Variants in HTR1E observed in about 807,000 individuals in gnomAD.
HTR1E encodes 5-HT-1E.
In HTR1E, 3 loss-of-function variants were observed where a neutral mutation model predicts 3.4. The observed-to-expected ratio is 0.89, with a 90% CI of 0.41 to 2.31. HTR1E has a LOEUF of 2.31. HTR1E is among the 30% of genes most tolerant of loss of function. The pLI, the probability that HTR1E is intolerant of heterozygous loss-of-function variation, is 0.05. For missense variants in HTR1E, 392 were observed against 467.0 expected, an observed-to-expected ratio of 0.84 and a Z score of 1.48; for synonymous variants, 170 against 182.8, an observed-to-expected ratio of 0.93 and a Z score of 0.56.
At chr6:86,981,867 T>C (rs1767716556) in intron 1 of HTR1E, among the ~76,000 whole-genome samples, 1 of 152,120 alleles carries the variant, frequency 6.6e-6, no homozygotes, top group African/African-American at 2.4e-5. Flanking sequence ...GCCTCTATCC[T>C]TGTTACCCTA....
At chr6:87,003,771 C>G (rs1037965458) in intron 1 of HTR1E, among the ~76,000 whole-genome samples, 6 of 151,776 alleles carry the variant, frequency 4.0e-5, no homozygotes, top group African/African-American at 1.2e-4. Context: ...TAATAAAGAT[C>G]AGAGCAGAAA....
Position 86,969,319 on chromosome 6 carries a change from G to T in HTR1E, c.-186+31496G>T, listed in dbSNP as rs771825194. Among the ~76,000 whole-genome samples the T allele has an allele frequency of 2.5e-4, 38 of 152,156 alleles. 1 individual carries two copies. In the Middle Eastern group the frequency reaches 0.014, roughly 54 times the overall value. On this transcript the variant is annotated intron_variant, in intron 1 of 1. Transcript: ENST00000305344. Reference sequence around the variant, plus strand: ...GATTAAAATGTCAGAGAAAAAGTAGGGACAACTCCAAAACAAATACTTTCA... The same window carrying T: ...GATTAAAATGTCAGAGAAAAAGTAGTGACAACTCCAAAACAAATACTTTCA...
At chr6:86,994,373 A>G (rs1274810329) in intron 1 of HTR1E, among the ~76,000 whole-genome samples, 2 of 152,182 alleles carry the variant, frequency 1.3e-5, no homozygotes, top group Non-Finnish European at 2.9e-5. Flanking sequence ...AAAATCTTGC[A>G]GCTGTGAAAG....
chr6:86,974,975 G>T (rs1444941265), intron 1 of HTR1E, among the ~76,000 whole-genome samples: 2 of 152,046 alleles, frequency 1.3e-5, no homozygotes, highest in African/African-American at 4.8e-5. Context: ...CCCCAACCTG[G>T]ACTCATCCAT....
At chr6:86,969,086 T>G (rs1258239549) in intron 1 of HTR1E, among the ~76,000 whole-genome samples, 1 of 152,194 alleles carries the variant, frequency 6.6e-6, no homozygotes, top group Non-Finnish European at 1.5e-5. Flanking sequence ...AATTCCCTTG[T>G]AGGGGAAGTG....
chr6:86,990,563 A>T (rs962584326), intron 1 of HTR1E, among the ~76,000 whole-genome samples: 6 of 152,204 alleles, frequency 3.9e-5, no homozygotes, highest in African/African-American at 7.2e-5. Context: ...TAAAATAAAT[A>T]ACCTAGTATT....
At chr6:86,998,946 T>C (rs994135279) in intron 1 of HTR1E, among the ~76,000 whole-genome samples, 1 of 152,080 alleles carries the variant, frequency 6.6e-6, no homozygotes, top group Non-Finnish European at 1.5e-5. Flanking sequence ...GGGGTTGTTT[T>C]TTTGTTTTGT....
intron 1 of HTR1E, among the ~76,000 whole-genome samples, chr6:86,955,121 CA>C (rs1398394177): frequency 6.6e-6 from 1 of 152,184 alleles, no homozygotes; most frequent in Non-Finnish European, 1.5e-5. Context: ...CTTGTCAGGG[CA>C]ATCTCTTCAC....
At chr6:86,991,109 CA>C (rs776187534) in intron 1 of HTR1E, among the ~76,000 whole-genome samples, 15 of 152,052 alleles carry the variant, frequency 9.9e-5, no homozygotes, top group Admixed American at 3.3e-4. Context: ...AAACTGAGAT[CA>C]GGGGGACATT....
chr6:87,015,806 C>T lies in HTR1E; in HGVS notation c.472C>T (p.Leu158=), dbSNP rs1768314112. ...TISIFISMPP[L]FWRSHRRLSP... is the part of the protein sequence containing the mutation. ...CTCCATTTTCATCTCCATGCCCCCT[C>T]TGTTCTGGAGAAGCCACCGCCGCCT... Residue 158 remains leucine, a synonymous_variant, in exon 2 of 2, where the codon CTG becomes TTG. Coordinates refer to ENST00000305344, the MANE Select transcript of HTR1E (RefSeq NM_000865.3). 1.2e-6 allele frequency: 2 copies of T among 1,612,882 alleles called. No individual in the cohort carries two copies. Among genetic ancestry groups the T allele is most frequent in the Non-Finnish European group, 1.7e-6 (2 of 1,179,338 alleles).
At chr6:86,945,689 G>GT (rs1272550894) in intron 1 of HTR1E, among the ~76,000 whole-genome samples, 3 of 151,932 alleles carry the variant, frequency 2.0e-5, no homozygotes, top group Non-Finnish European at 4.4e-5. Flanking sequence ...AGTCAAAAAG[G>GT]TTTTTTTAAT....
intron 1 of HTR1E, among the ~76,000 whole-genome samples, chr6:86,974,756 T>C (rs1221275511): frequency 6.6e-6 from 1 of 152,220 alleles, no homozygotes; most frequent in Admixed American, 6.5e-5. Context: ...TCACTTATCT[T>C]TTGTCAGTAT....
chr6:87,005,583 G>A (rs1768090621), intron 1 of HTR1E, among the ~76,000 whole-genome samples: 1 of 152,058 alleles, frequency 6.6e-6, no homozygotes, highest in African/African-American at 2.4e-5. Context: ...ATATACAAAA[G>A]TCAAATGAAA....
chr6:86,939,834 T>G (rs547024669), intron 1 of HTR1E, among the ~76,000 whole-genome samples: 177 of 152,314 alleles, frequency 1.2e-3, no homozygotes, highest in Non-Finnish European at 2.1e-3. Flanking sequence ...GGCTCATGTC[T>G]CTCAACATTT....
chr6:86,986,834 A>G (rs1321144772), intron 1 of HTR1E, among the ~76,000 whole-genome samples: 1 of 152,134 alleles, frequency 6.6e-6, no homozygotes, highest in Non-Finnish European at 1.5e-5. Context: ...TCTAGAAGGG[A>G]TTGTAGTTAA....
chr6:86,958,967 TG>T (rs1767364121), intron 1 of HTR1E, among the ~76,000 whole-genome samples: 1 of 149,168 alleles, frequency 6.7e-6, no homozygotes, highest in Non-Finnish European at 1.5e-5. Flanking sequence ...TGTGTGTGTG[TG>T]TGTGTGTGTG....
intron 1 of HTR1E, among the ~76,000 whole-genome samples, chr6:86,956,130 G>C (rs776157519): frequency 6.6e-6 from 1 of 152,048 alleles, no homozygotes; most frequent in Non-Finnish European, 1.5e-5. Context: ...GGCCCTAAAA[G>C]AAATAGAAAG....
chr6:86,942,165 A>G (rs561022509), intron 1 of HTR1E, among the ~76,000 whole-genome samples: 11 of 152,172 alleles, frequency 7.2e-5, no homozygotes, highest in Non-Finnish European at 1.6e-4. Context: ...AAAAATGGGA[A>G]AGGAAAGCCC....
intron 1 of HTR1E, among the ~76,000 whole-genome samples, chr6:86,963,631 T>A (rs768487086): frequency 6.6e-6 from 1 of 152,204 alleles, no homozygotes; most frequent in Non-Finnish European, 1.5e-5. Flanking sequence ...CATTTTTTTA[T>A]CTTGCATACT....
Sources: allele counts gnomAD v4.1 joint callset (sites outside exome capture counted in the v4.1 genomes callset), GRCh38; gene constraint gnomAD v4.1.1; transcripts MANE v1.5; gene names NCBI Gene and HGNC (gene_info 2026-07-23, HGNC 2026-07-21).